The following STAU2 variants were observed in gnomAD, a reference collection of about 807,000 sequenced individuals.
STAU2 encodes double-stranded RNA-binding protein Staufen homolog 2.
Under a neutral mutation model 65.9 loss-of-function variants are expected in STAU2, and 20 were observed. The observed-to-expected ratio is 0.30, with a 90% CI of 0.21 to 0.44. STAU2 has a LOEUF of 0.44. Ranked by LOEUF, STAU2 falls within the 20% of genes least tolerant of loss-of-function variation. STAU2 has a pLI of 1.00. For synonymous variants in STAU2, 232 were observed against 233.9 expected (o/e 0.99, Z 0.07); for missense variants, 558 against 683.9 (o/e 0.82, Z 2.05).
intron 6 of STAU2, among the ~76,000 whole-genome samples, chr8:73,660,274 A>G (rs1816730049): frequency 6.6e-6 from 1 of 152,216 alleles, no homozygotes; most frequent in South Asian, 2.1e-4. Flanking sequence ...TACTAAAAAC[A>G]CAAAAATTAG....
chr8:73,491,587 A>T (rs1178019651), intron 13 of STAU2, among the ~76,000 whole-genome samples: 5 of 151,976 alleles, frequency 3.3e-5, no homozygotes. Flanking sequence ...TTAAATGTGT[A>T]CTTTTGCTTT....
chr8:73,630,242 G>C (rs1295177055), intron 6 of STAU2, among the ~76,000 whole-genome samples: 1 of 152,228 alleles, frequency 6.6e-6, no homozygotes, highest in African/African-American at 2.4e-5. Context: ...AGATACGCAA[G>C]GTATGCTTTT....
At chr8:73,699,467 C>T (rs1819926355) in intron 4 of STAU2, among the ~76,000 whole-genome samples, 1 of 151,334 alleles carries the variant, frequency 6.6e-6, no homozygotes, top group Non-Finnish European at 1.5e-5. Flanking sequence ...GTAAATAAAA[C>T]CAGAGATGAA....
At chr8:73,555,673 ATGT>A (rs10564328) in intron 12 of STAU2, among the ~76,000 whole-genome samples, 52,506 of 151,980 alleles carry the variant, frequency 0.35, 10,484 homozygotes, top group Non-Finnish European at 0.45. Flanking sequence ...ATAATATTTG[ATGT>A]TGTGTAATCT....
intron 6 of STAU2, among the ~76,000 whole-genome samples, chr8:73,647,319 G>C (rs1815467942): frequency 6.6e-6 from 1 of 152,082 alleles, no homozygotes; most frequent in Non-Finnish European, 1.5e-5. Context: ...AAAAACTGAA[G>C]AAAAACAAAA....
At chr8:73,466,336 A>G (rs1819651736) in intron 13 of STAU2, among the ~76,000 whole-genome samples, 1 of 152,162 alleles carries the variant, frequency 6.6e-6, no homozygotes, top group African/African-American at 2.4e-5. Context: ...TAAAAAAAAT[A>G]ATCCCTGGTG....
intron 4 of STAU2, chr8:73,697,463 T>C (rs534658154): frequency 6.6e-6 from 1 of 152,150 alleles, no homozygotes; most frequent in Non-Finnish European, 1.5e-5. Flanking sequence ...AGGATATTAA[T>C]GAAAGAAGAA....
At chr8:73,715,156 A>C (rs993328967) in intron 3 of STAU2, among the ~76,000 whole-genome samples, 1 of 152,014 alleles carries the variant, frequency 6.6e-6, no homozygotes, top group Non-Finnish European at 1.5e-5. Flanking sequence ...CAATTTTTTT[A>C]AAGCCAATAG....
At chr8:73,463,094 A>C (rs568411007) in intron 13 of STAU2, among the ~76,000 whole-genome samples, 26 of 152,170 alleles carry the variant, frequency 1.7e-4, no homozygotes, top group Non-Finnish European at 2.5e-4. Flanking sequence ...CTTGGGTTTG[A>C]CCCCTGGCTG....
chr8:73,587,826 G>A (rs983338843), intron 11 of STAU2, among the ~76,000 whole-genome samples: 1 of 152,158 alleles, frequency 6.6e-6, no homozygotes, highest in Non-Finnish European at 1.5e-5. Context: ...ATGGCCAGTG[G>A]CAGGGAAGGA....
At chr8:73,621,727 C>T (rs1241817027) in intron 6 of STAU2, among the ~76,000 whole-genome samples, 1 of 152,122 alleles carries the variant, frequency 6.6e-6, no homozygotes, top group African/African-American at 2.4e-5. Context: ...ATCTTCCATG[C>T]TTGTTAAAAA....
chr8:73,508,845 A>G (rs1444174511), intron 13 of STAU2, among the ~76,000 whole-genome samples: 1 of 152,178 alleles, frequency 6.6e-6, no homozygotes, highest in East Asian at 1.9e-4. Context: ...GTTCCTTTTC[A>G]TTGCTGAATA....
In STAU2 at chr8:73,543,304, TAA is replaced by T. The variant is rs1453046619; in HGVS notation, c.1530+8706_1530+8707del. On this transcript the variant is annotated intron_variant, in intron 13 of 14. Transcript: ENST00000524300. ...AAGGGCGGAGGCAAATCTTTTGCAA[TAA>T]AGAGTCCCATCTTGATTATGGTGGT... Among the ~76,000 whole-genome samples the T allele has an allele frequency of 2.6e-5, 4 of 152,302 alleles. No individual in the cohort carries two copies. The East Asian group carries it at 7.7e-4, about 29-fold the overall frequency.
chr8:73,720,352 T>C (rs1457031201), intron 3 of STAU2, among the ~76,000 whole-genome samples: 1 of 152,102 alleles, frequency 6.6e-6, no homozygotes, highest in Non-Finnish European at 1.5e-5. Flanking sequence ...TCTTTTAAGA[T>C]GGAAGCTGAA....
chr8:73,568,399 G>C (rs1049004208), intron 12 of STAU2, among the ~76,000 whole-genome samples: 3 of 152,186 alleles, frequency 2.0e-5, no homozygotes, highest in African/African-American at 7.2e-5. Flanking sequence ...CCAGGAGTTT[G>C]AGACAAGCCT....
At chr8:73,647,990 T>C (rs1455076892) in intron 6 of STAU2, among the ~76,000 whole-genome samples, 2 of 152,188 alleles carry the variant, frequency 1.3e-5, no homozygotes, top group Non-Finnish European at 2.9e-5. Context: ...GTTTGAAATA[T>C]TGTCCTACAA....
chr8:73,673,102 C>G lies in STAU2; in HGVS notation c.410+5G>C. 1 of 1,554,716 alleles carries G rather than the reference C, an allele frequency of 6.4e-7. No homozygotes were observed. Among genetic ancestry groups the G allele is most frequent in the Non-Finnish European group, 8.7e-7 (1 of 1,153,144 alleles). Reference sequence around the variant, plus strand: ...TAAGAACAAAACCAAAAAAGACATACAAACCTCTGATTGTACATGCCCCGA... The same window carrying G: ...TAAGAACAAAACCAAAAAAGACATAGAAACCTCTGATTGTACATGCCCCGA... On this transcript the variant is annotated splice_donor_5th_base_variant and intron_variant, in intron 6 of 14. Transcript: ENST00000524300.
chr8:73,532,022 G>T (rs1263451856), intron 13 of STAU2, among the ~76,000 whole-genome samples: 1 of 152,140 alleles, frequency 6.6e-6, no homozygotes, highest in Non-Finnish European at 1.5e-5. Flanking sequence ...GACCCCCTCT[G>T]AGTCAAGGGG....
chr8:73,486,566 C>T (rs983915138), intron 13 of STAU2, among the ~76,000 whole-genome samples: 11 of 149,838 alleles, frequency 7.3e-5, no homozygotes, highest in Admixed American at 2.0e-4. Flanking sequence ...CAAACATGAC[C>T]GCTAATTTTA....
Sources: allele counts gnomAD v4.1 joint callset (sites outside exome capture counted in the v4.1 genomes callset), GRCh38; gene constraint gnomAD v4.1.1; transcripts MANE v1.5; gene names NCBI Gene and HGNC (gene_info 2026-07-23, HGNC 2026-07-21).